CDC42BPB: variants seen among roughly 807,000 people sequenced by gnomAD.
The protein encoded by CDC42BPB is serine/threonine-protein kinase MRCK beta.
Under a neutral mutation model 214.9 loss-of-function variants are expected in CDC42BPB, and 37 were observed. The observed-to-expected ratio is 0.17, with a 90% CI of 0.13 to 0.23. CDC42BPB has a LOEUF of 0.23. CDC42BPB is among the 10% of genes least tolerant of loss of function. The probability of loss-of-function intolerance (pLI) is 1.00; values close to 1 mark genes in which losing one functional copy is unlikely to be tolerated. For missense variants in CDC42BPB, 1,694 were observed against 2,227.0 expected (o/e 0.76, Z 4.82); for synonymous variants, 931 against 884.0 (o/e 1.05, Z -0.94).
intron 20 of CDC42BPB, 150 bp from the exon 21 acceptor site, chr14:102,959,860 A>AT: frequency 3.5e-6 from 4 of 1,145,816 alleles, no homozygotes; most frequent in Non-Finnish European, 4.4e-6. Context: ...AAAAAAAAAA[A>AT]GGGGTCAGGC....
chr14:103,025,647 G>C (rs2139686140), intron 1 of CDC42BPB, among the ~76,000 whole-genome samples: 1 of 151,914 alleles, frequency 6.6e-6, no homozygotes, highest in Non-Finnish European at 1.5e-5. Flanking sequence ...GTGTAACCCT[G>C]TCTCTACTAA....
Position 102,944,175 on chromosome 14 carries a change from C to T in CDC42BPB, c.4124G>A (p.Ser1375Asn). The change falls in exon 30 of 37, where the codon AGC (serine) becomes AAC (asparagine). Residue 1375 changes from serine (S) to asparagine (N), a missense_variant. Physicochemically the swap from Ser to Asn is conservative, Grantham distance 46. Around this residue, in one of 7 missense-constraint regions of CDC42BPB, gnomAD observed 567 missense variants for 790.3 expected, o/e 0.72. Coordinates refer to ENST00000361246, the MANE Select transcript of CDC42BPB (RefSeq NM_006035.4). This position sits in a 1 kb window ranked among gnomAD's most constrained non-coding sequence, Gnocchi z 6.6. ...RKFNEIVAPG[S>N]VQCLAVLRDR... is the part of the protein sequence containing the mutation. Reference sequence around the variant, plus strand: ...CCTGAGCACCGCCAGGCACTGCACGCTGCCGGGAGCCACAATCTCATTGAA... The same window carrying T: ...CCTGAGCACCGCCAGGCACTGCACGTTGCCGGGAGCCACAATCTCATTGAA... 6.2e-7 allele frequency: 1 copy of T among 1,613,258 alleles called. No homozygotes were observed. The highest frequency in any genetic ancestry group is 1.1e-5 in the South Asian group (1 of 91,086).
chr14:103,002,243 A>G (rs1595131243), intron 4 of CDC42BPB, among the ~76,000 whole-genome samples: 1 of 152,150 alleles, frequency 6.6e-6, no homozygotes, highest in African/African-American at 2.4e-5. Context: ...GCAGGTGTGC[A>G]CCGCAGAAGC....
chr14:102,957,428 C>A lies in CDC42BPB; in HGVS notation c.2901+2203G>T, dbSNP rs1448809908. On this transcript the variant is annotated intron_variant, in intron 21 of 36. Transcript: ENST00000361246. ...AAGCTACCGCTTTCCTGGCCGCCTC[C>A]ATTCAGTGATCAAGCACCATCTCTG... Among the ~76,000 whole-genome samples the A allele has an allele frequency of 4.6e-5, 7 of 152,142 alleles. No homozygotes were observed. In the East Asian group the frequency reaches 1.3e-3, roughly 29 times the overall value.
rs2139437792 is a variant in CDC42BPB, at chr14:102,963,048, A to G, written c.2821+13T>C. The G allele has an allele frequency of 1.7e-6, 2 of 1,152,580 alleles. No individual in the cohort carries two copies. Among genetic ancestry groups the G allele is most frequent in the Non-Finnish European group, 2.6e-6 (2 of 769,000 alleles). 71.4% of individuals were successfully genotyped at this position (1,152,580 alleles called of 1,614,324 possible). A position where few individuals can be genotyped will look rare whatever the true frequency, so the allele number is the denominator to read the frequency against. On this transcript the variant is annotated intron_variant, in intron 20 of 36. Coordinates refer to ENST00000361246, the MANE Select transcript of CDC42BPB (RefSeq NM_006035.4). ...ATATTCAAATAATGCAGAATCGCAC[A>G]ACATTAATTTACCAGTATCTGCTCT... is the stretch of plus-strand genomic sequence containing the variant.
At chr14:102,967,482 G>T in intron 16 of CDC42BPB, 1 of 361,874 alleles carries the variant, frequency 2.8e-6, no homozygotes, top group Non-Finnish European at 3.8e-6. Context: ...ACAGTCACGT[G>T]TAGTGAAACA....
At chr14:102,955,151 G>A (rs1220922977) in intron 21 of CDC42BPB, among the ~76,000 whole-genome samples, 1 of 152,324 alleles carries the variant, frequency 6.6e-6, no homozygotes, top group African/African-American at 2.4e-5. Context: ...GGCCAGGCAC[G>A]GTGGCTCACG....
intron 1 of CDC42BPB, among the ~76,000 whole-genome samples, chr14:103,015,857 T>C (rs941778219): frequency 6.6e-6 from 1 of 151,768 alleles, no homozygotes; most frequent in Non-Finnish European, 1.5e-5. Context: ...TACAGGCACG[T>C]GCCACCACAC....
chr14:103,032,844 G>A lies in CDC42BPB; in HGVS notation c.176-20656C>T, dbSNP rs140450905. 3.7e-3 allele frequency among the ~76,000 whole-genome samples: 551 copies of A among 148,684 alleles called. 2 individuals carry two copies. Among genetic ancestry groups the A allele is most frequent in the African/African-American group, 0.011 (457 of 40,452 alleles). On this transcript the variant is annotated intron_variant, in intron 1 of 36. Coordinates refer to ENST00000361246, the MANE Select transcript of CDC42BPB (RefSeq NM_006035.4). ...TCATCATGTTACCCAGGCTGGTCTC[G>A]AACTCCTGATGATCCACCTGCCTCA... is the stretch of plus-strand genomic sequence containing the variant.
rs376060960 is a variant in CDC42BPB at position 102,964,545 on chromosome 14, C to T, written c.2683G>A (p.Glu895Lys). 28 of 1,613,842 alleles carry T rather than the reference C, an allele frequency of 1.7e-5. No individual in the cohort carries two copies. Among genetic ancestry groups the T allele is most frequent in the Non-Finnish European group, 2.4e-5 (28 of 1,180,022 alleles). Residue 895 changes from glutamate (E) to lysine (K), a missense_variant, in exon 19 of 37, where the codon GAG (glutamate) becomes AAG (lysine). By Grantham distance (56) the Glu-to-Lys change is moderately conservative (BLOSUM62 1). This residue lies in a region of CDC42BPB where 156 missense variants were observed against 154.5 expected (regional missense o/e 1.01). Coordinates refer to ENST00000361246, the MANE Select transcript of CDC42BPB (RefSeq NM_006035.4). ...GCGTCCTTGACCTTCCTGAGCTCCT[C>T]CTGGACAAGCTGCTTGGCCCGGATC... is the stretch of plus-strand genomic sequence containing the variant. ...AEIRAKQLVQ[E>K]ELRKVKDANL...
chr14:103,033,001 T>A (rs1887478420), intron 1 of CDC42BPB, among the ~76,000 whole-genome samples: 2 of 152,140 alleles, frequency 1.3e-5, no homozygotes, highest in Non-Finnish European at 2.9e-5. Flanking sequence ...TGTTATTTTT[T>A]AATGTCATAT....
intron 5 of CDC42BPB, among the ~76,000 whole-genome samples, chr14:102,995,137 T>A (rs917862793): frequency 6.6e-6 from 1 of 152,222 alleles, no homozygotes; most frequent in Non-Finnish European, 1.5e-5. Flanking sequence ...TACACTATAC[T>A]CTCTGCTCTC....
intron 4 of CDC42BPB, among the ~76,000 whole-genome samples, chr14:103,002,530 C>T (rs1895035149): frequency 6.6e-6 from 1 of 152,224 alleles, no homozygotes; most frequent in South Asian, 2.1e-4. Context: ...TCCCTGGAAA[C>T]TTCACTCAGT....
intron 8 of CDC42BPB, among the ~76,000 whole-genome samples, chr14:102,979,314 G>T (rs1000711009): frequency 1.3e-5 from 2 of 151,610 alleles, no homozygotes; most frequent in African/African-American, 4.9e-5. Flanking sequence ...TTGGGTTCAA[G>T]TGATTCTCCT....
At chr14:102,988,819 A>G (rs947447418) in intron 5 of CDC42BPB, among the ~76,000 whole-genome samples, 1 of 151,462 alleles carries the variant, frequency 6.6e-6, no homozygotes, top group South Asian at 2.1e-4. Flanking sequence ...ATGAACCTAT[A>G]TGAATGAAAA....
rs1041697664 is a variant in CDC42BPB, at chr14:102,932,380, A to C, written c.*1332T>G. 6.6e-6 allele frequency: 1 copy of C among 152,244 alleles called. No individual in the cohort carries two copies. The highest frequency in any genetic ancestry group is 1.5e-5 in the Non-Finnish European group (1 of 68,044). 9.4% of individuals were successfully genotyped at this position (152,244 alleles called of 1,614,324 possible). On this transcript the variant is annotated 3_prime_UTR_variant, in exon 37 of 37. Transcript: ENST00000361246. ...TACCACATCCAAACGGACCACTGGGAACTTTAAAACTGCCGTCTTCTGCTT... is the reference window on the plus strand; with the variant it reads ...TACCACATCCAAACGGACCACTGGGCACTTTAAAACTGCCGTCTTCTGCTT...
At chr14:103,056,456 G>C (rs1417416966) in intron 1 of CDC42BPB, among the ~76,000 whole-genome samples, 1 of 152,136 alleles carries the variant, frequency 6.6e-6, no homozygotes, top group Non-Finnish European at 1.5e-5. Context: ...ACGGGGCAGT[G>C]GGCGAGGCAG....
chr14:103,017,262 C>G (rs1303313526), intron 1 of CDC42BPB, among the ~76,000 whole-genome samples: 1 of 152,134 alleles, frequency 6.6e-6, no homozygotes, highest in African/African-American at 2.4e-5. Flanking sequence ...GTGGAGGCTG[C>G]AGTGAGCTGT....
rs1055591449 is a variant in CDC42BPB at position 102,941,947 on chromosome 14, C to T, written c.4409-1623G>A. 3.9e-5 allele frequency among the ~76,000 whole-genome samples: 6 copies of T among 152,340 alleles called. No individual in the cohort carries two copies. In the East Asian group the frequency reaches 5.8e-4, roughly 15 times the overall value. On this transcript the variant is annotated intron_variant, in intron 30 of 36. Coordinates refer to ENST00000361246, the MANE Select transcript of CDC42BPB (RefSeq NM_006035.4). ...AACTCATCTGCATCTGCACTGTGCC[C>T]GCAGGAGAGAAGACCCACCAAGGCG...
Sources: allele counts gnomAD v4.1 joint callset (sites outside exome capture counted in the v4.1 genomes callset), GRCh38; gene constraint gnomAD v4.1.1; regional missense constraint gnomAD v4.1.1; non-coding constraint Gnocchi (gnomAD v3.1); transcripts MANE v1.5; gene names NCBI Gene and HGNC (gene_info 2026-07-23, HGNC 2026-07-21).